The following ANO3 variants were observed in gnomAD, a reference collection of about 807,000 sequenced individuals.
The protein encoded by ANO3 is anoctamin-3.
ANO3 carries 99 observed loss-of-function variants against 144.8 expected under a neutral mutation model. That is an observed-to-expected ratio of 0.68 (90% CI 0.58 to 0.81). ANO3 has a LOEUF of 0.81. ANO3 is among the 30% of genes least tolerant of loss of function. The probability of loss-of-function intolerance (pLI) is 0.00; values close to 1 mark genes in which losing one functional copy is unlikely to be tolerated. For missense variants in ANO3, 905 were observed against 1,202.2 expected, an observed-to-expected ratio of 0.75 and a Z score of 3.66; for synonymous variants, 414 against 392.6, an observed-to-expected ratio of 1.05 and a Z score of -0.64.
intron 1 of ANO3, among the ~76,000 whole-genome samples, chr11:26,333,724 T>C (rs1268733181): frequency 6.6e-6 from 1 of 152,194 alleles, no homozygotes; most frequent in Non-Finnish European, 1.5e-5. Context: ...CCAAGTTCTC[T>C]AGGATGTTTC....
At chr11:26,586,521 T>TTTTTTTTTTTTTTTTTTA (rs1235546476) in intron 14 of ANO3, among the ~76,000 whole-genome samples, 1 of 145,812 alleles carries the variant, frequency 6.9e-6, no homozygotes, top group Admixed American at 6.9e-5. Context: ...TTTTTTTTTT[T>TTTTTTTTTTTTTTTTTTA]GAGACATAGT....
intron 1 of ANO3, among the ~76,000 whole-genome samples, chr11:26,274,241 A>G (rs1033870450): frequency 2.0e-5 from 3 of 152,180 alleles, no homozygotes; most frequent in Non-Finnish European, 2.9e-5. Context: ...CAAATATACA[A>G]AAATATTTAC....
At chr11:26,225,107 T>C (rs961785118) in intron 1 of ANO3, among the ~76,000 whole-genome samples, 4 of 152,184 alleles carry the variant, frequency 2.6e-5, no homozygotes, top group Non-Finnish European at 4.4e-5. Flanking sequence ...GCATAATCTT[T>C]TGTGTATTGT....
At chr11:26,545,795 C>G (rs1565094721) in intron 11 of ANO3, among the ~76,000 whole-genome samples, 1 of 151,644 alleles carries the variant, frequency 6.6e-6, no homozygotes, top group Non-Finnish European at 1.5e-5. Context: ...CTCTTCCTCC[C>G]TCTTCCTCCT....
At chr11:26,525,849 C>A (rs532267149) in intron 7 of ANO3, among the ~76,000 whole-genome samples, 170 bp downstream of exon 7, 62 of 152,194 alleles carry the variant, frequency 4.1e-4, no homozygotes, top group African/African-American at 1.4e-3. Flanking sequence ...CATTTAAAAT[C>A]TGATAATCTT....
intron 18 of ANO3, among the ~76,000 whole-genome samples, chr11:26,625,523 C>G (rs1456195422): frequency 6.6e-6 from 1 of 152,122 alleles, no homozygotes; most frequent in Admixed American, 6.5e-5. Flanking sequence ...ATTTTCATAC[C>G]TACGGCATGG....
At chr11:26,268,669 A>T (rs1853368433) in intron 1 of ANO3, among the ~76,000 whole-genome samples, 2 of 152,204 alleles carry the variant, frequency 1.3e-5, no homozygotes, top group African/African-American at 4.8e-5. Flanking sequence ...GGCCATGTTT[A>T]CCATCTCTGA....
chr11:26,372,265 G>A (rs1049547471), intron 1 of ANO3, among the ~76,000 whole-genome samples: 2 of 152,096 alleles, frequency 1.3e-5, no homozygotes, highest in Admixed American at 6.6e-5. Context: ...TGTGAAGAAG[G>A]ACAGGTTTGC....
intron 1 of ANO3, among the ~76,000 whole-genome samples, chr11:26,261,946 A>G (rs1453673527): frequency 1.3e-5 from 2 of 152,210 alleles, no homozygotes; most frequent in Non-Finnish European, 2.9e-5. Flanking sequence ...CCAGCTGTAA[A>G]AGGCTGGTCA....
chr11:26,541,991 G>A lies in ANO3; in HGVS notation c.1077G>A (p.Gln359=), dbSNP rs1183606076. The A allele has an allele frequency of 6.2e-7, 1 of 1,612,718 alleles. No homozygotes were observed. Among genetic ancestry groups the A allele is most frequent in the Non-Finnish European group, 8.5e-7 (1 of 1,179,184 alleles). Residue 359 remains glutamine (Q), a synonymous_variant, in exon 11 of 27, where the codon CAG becomes CAA. Transcript: ENST00000256737. ...AGCCCATTAAAACCCATGGACCTCA[G>A]AATAACAGACATCTATTATATGAGC... ...SSQPIKTHGP[Q]NNRHLLYERW...
chr11:26,274,751 G>A (rs1853521019), intron 1 of ANO3, among the ~76,000 whole-genome samples: 1 of 152,048 alleles, frequency 6.6e-6, no homozygotes, highest in Non-Finnish European at 1.5e-5. Flanking sequence ...TTGGAACTAT[G>A]AAACTTCAAA....
chr11:26,241,114 T>C (rs1852656118), intron 1 of ANO3, among the ~76,000 whole-genome samples: 1 of 152,060 alleles, frequency 6.6e-6, no homozygotes, highest in Non-Finnish European at 1.5e-5. Context: ...AATGGGAGTT[T>C]CCCTGCACAA....
chr11:26,437,438 C>T (rs1453114268), intron 1 of ANO3, among the ~76,000 whole-genome samples: 1 of 152,198 alleles, frequency 6.6e-6, no homozygotes, highest in Middle Eastern at 3.2e-3. Flanking sequence ...TCACTGCTTC[C>T]CTGAGAGTAG....
intron 1 of ANO3, among the ~76,000 whole-genome samples, chr11:26,244,815 T>G (rs1365138071): frequency 1.3e-5 from 2 of 152,224 alleles, no homozygotes; most frequent in Non-Finnish European, 2.9e-5. Context: ...TTTAACACTA[T>G]TATTATCAAA....
intron 1 of ANO3, among the ~76,000 whole-genome samples, chr11:26,251,663 G>A (rs980466562): frequency 6.6e-6 from 1 of 152,204 alleles, no homozygotes; most frequent in Non-Finnish European, 1.5e-5. Context: ...ATAAAGAAAA[G>A]AGGGTTAATT....
chr11:26,318,979 C>G (rs776646170), intron 1 of ANO3, among the ~76,000 whole-genome samples: 3 of 151,766 alleles, frequency 2.0e-5, no homozygotes, highest in Admixed American at 6.6e-5. Context: ...TCCCCTAGCC[C>G]TTTGTATTTT....
chr11:26,403,289 G>A (rs1005954394), intron 1 of ANO3, among the ~76,000 whole-genome samples: 14 of 151,832 alleles, frequency 9.2e-5, no homozygotes, highest in African/African-American at 3.4e-4. Context: ...TGCAATAATA[G>A]CAGTCATTGC....
intron 3 of ANO3, among the ~76,000 whole-genome samples, chr11:26,452,284 G>T (rs1291733667): frequency 6.6e-6 from 1 of 151,978 alleles, no homozygotes; most frequent in African/African-American, 2.4e-5. Flanking sequence ...CAAACTACGA[G>T]CTACAGGAGG....
At chr11:26,483,564 T>C (rs775140250) in intron 4 of ANO3, among the ~76,000 whole-genome samples, 3 of 152,164 alleles carry the variant, frequency 2.0e-5, no homozygotes, top group Non-Finnish European at 4.4e-5. Context: ...TCTACCATGA[T>C]TGTAAGTTTT....
Sources: allele counts gnomAD v4.1 joint callset (sites outside exome capture counted in the v4.1 genomes callset), GRCh38; gene constraint gnomAD v4.1.1; transcripts MANE v1.5; gene names NCBI Gene and HGNC (gene_info 2026-07-23, HGNC 2026-07-21).